Variants in FSHR observed in about 807,000 individuals in gnomAD.
FSHR encodes follicle-stimulating hormone receptor.
A neutral mutation model predicts 52.1 loss-of-function variants in FSHR; 46 were observed. The observed-to-expected ratio is 0.88, with a 90% CI of 0.70 to 1.13. The LOEUF is 1.13. Ranked by LOEUF, FSHR falls within the 50% of genes most tolerant of loss-of-function variation. The probability of loss-of-function intolerance (pLI) is 0.00; values close to 1 mark genes in which losing one functional copy is unlikely to be tolerated. For missense variants in FSHR, 964 were observed against 834.6 expected, an observed-to-expected ratio of 1.16 and a Z score of -1.91; for synonymous variants, 399 against 309.6, an observed-to-expected ratio of 1.29 and a Z score of -3.03.
At chr2:49,003,166 T>C (rs943210360) in intron 4 of FSHR, among the ~76,000 whole-genome samples, 5 of 152,164 alleles carry the variant, frequency 3.3e-5, no homozygotes, top group Non-Finnish European at 7.4e-5. Flanking sequence ...TATTCTTTTG[T>C]GGAGCATTTT....
Position 49,127,748 on chromosome 2 carries a change from TTCTTTCTTCTTCTTCTTCTTCTTCTTC to T in FSHR, c.152+26491_152+26517del, listed in dbSNP as rs1672062084. On this transcript the variant is annotated intron_variant, in intron 1 of 9. Transcript: ENST00000406846. ...TTGATTTGTGCATGATTTCTTCTTC[TTCTTTCTTCTTCTTCTTCTTCTTCTTC>T]TTCTTCTTCTTCTTCTTCTTCTTCT... is the stretch of plus-strand genomic sequence containing the variant. Among the ~76,000 whole-genome samples, 20 of 116,062 alleles carry T rather than the reference TTCTTTCTTCTTCTTCTTCTTCTTCTTC, an allele frequency of 1.7e-4. 2 individuals are homozygous for T. The highest frequency in any genetic ancestry group is 4.8e-4 in the African/African-American group (15 of 31,060). The allele number at this position is 116,062 out of a possible 152,430, so 76.1% of individuals were successfully genotyped here. A position where few individuals can be genotyped will look rare whatever the true frequency, so the allele number is the denominator to read the frequency against.
At chr2:49,061,811 G>C in intron 2 of FSHR, among the ~76,000 whole-genome samples, 1 of 133,350 alleles carries the variant, frequency 7.5e-6, no homozygotes, top group East Asian at 2.1e-4. Flanking sequence ...GTTATATATA[G>C]TCATATATAA....
At chr2:49,025,047 C>A (rs138955268) in intron 2 of FSHR, among the ~76,000 whole-genome samples, 1 of 152,146 alleles carries the variant, frequency 6.6e-6, no homozygotes, top group African/African-American at 2.4e-5. Flanking sequence ...AATGAATTAT[C>A]TTTGAAAGAT....
Position 48,962,774 on chromosome 2 carries a change from T to A in FSHR, c.2047A>T (p.Thr683Ser). ...TGACTTAGAGGGACAAGTATGTAAGTGGAACCACTGGTGACTCTGGGAGCT... is the reference window on the plus strand; with the variant it reads ...TGACTTAGAGGGACAAGTATGTAAGAGGAACCACTGGTGACTCTGGGAGCT... ...SSAPRVTSGS[T>S]YILVPLSHLA... Residue 683 changes from threonine to serine, a missense_variant, in exon 10 of 10, where the codon ACT (threonine) becomes TCT (serine). Transcript: ENST00000406846. 1 of 1,614,124 alleles carries A rather than the reference T, an allele frequency of 6.2e-7. No individual in the cohort carries two copies. Among genetic ancestry groups the A allele is most frequent in the African/African-American group, 1.3e-5 (1 of 75,058 alleles).
At chr2:49,110,271 A>G (rs557559682) in intron 1 of FSHR, among the ~76,000 whole-genome samples, 1 of 152,316 alleles carries the variant, frequency 6.6e-6, no homozygotes, top group East Asian at 1.9e-4. Flanking sequence ...ACATTTTATA[A>G]GTACAAAAAC....
At chr2:49,004,975 C>G (rs753877024) in intron 4 of FSHR, among the ~76,000 whole-genome samples, 1 of 152,140 alleles carries the variant, frequency 6.6e-6, no homozygotes, top group Non-Finnish European at 1.5e-5. Flanking sequence ...AATTTTCTCT[C>G]CCTCTTAGAA....
In FSHR at chr2:48,990,469, G is replaced by A. The variant is rs1380913881; in HGVS notation, c.446+97C>T. On this transcript the variant is annotated intron_variant, in intron 5 of 9. Transcript: ENST00000406846. ...CTAACCCAGAGCAATACATTTGGAG[G>A]ATGTAGACTACACAATGCATATTAA... The A allele has an allele frequency of 2.9e-5, 24 of 839,842 alleles. No individual in the cohort carries two copies. The East Asian group carries it at 4.4e-4, about 15-fold the overall frequency. The allele number at this position is 839,842 out of a possible 1,614,324, so 52.0% of individuals were successfully genotyped here.
At chr2:48,987,649 G>C (rs1016965815) in intron 6 of FSHR, among the ~76,000 whole-genome samples, 2 of 151,940 alleles carry the variant, frequency 1.3e-5, no homozygotes, top group African/African-American at 4.8e-5. Context: ...CTTTTTCTTA[G>C]CTTCCTTTCC....
rs763908289 is a variant in FSHR, at chr2:49,052,162, A to C, written c.224+16057T>G. On this transcript the variant is annotated intron_variant, in intron 2 of 9. Coordinates refer to ENST00000406846, the MANE Select transcript of FSHR (RefSeq NM_000145.4). The stretch of plus-strand genomic sequence containing the variant: ...AATTTGTGTGTATGGACAATTTTTA[A>C]CAAATGCAAATCAGATTATGTCACT... Among the ~76,000 whole-genome samples the C allele has an allele frequency of 3.5e-4, 54 of 152,342 alleles. 1 individual carries two copies. The highest frequency in any genetic ancestry group is 6.8e-4 in the Non-Finnish European group (46 of 68,024).
chr2:49,016,587 A>G (rs969305624), intron 4 of FSHR, among the ~76,000 whole-genome samples: 1 of 152,182 alleles, frequency 6.6e-6, no homozygotes, highest in South Asian at 2.1e-4. Context: ...TGATCTGCCA[A>G]TTAACAATAG....
At chr2:49,081,918 C>G (rs947770224) in intron 1 of FSHR, among the ~76,000 whole-genome samples, 1 of 152,168 alleles carries the variant, frequency 6.6e-6, no homozygotes, top group African/African-American at 2.4e-5. Flanking sequence ...AGCCAATATT[C>G]TTTTTGAGAA....
intron 1 of FSHR, among the ~76,000 whole-genome samples, chr2:49,146,934 T>C (rs1368460211): frequency 6.6e-6 from 1 of 152,064 alleles, no homozygotes; most frequent in Non-Finnish European, 1.5e-5. Context: ...CACAGGACTC[T>C]GTGATAACTT....
At chr2:49,094,386 C>T (rs1670741115) in intron 1 of FSHR, among the ~76,000 whole-genome samples, 1 of 152,182 alleles carries the variant, frequency 6.6e-6, no homozygotes, top group Non-Finnish European at 1.5e-5. Context: ...GAATAGTTTA[C>T]TGTCTTTACG....
At chr2:49,134,304 A>G (rs1169149625) in intron 1 of FSHR, among the ~76,000 whole-genome samples, 1 of 152,246 alleles carries the variant, frequency 6.6e-6, no homozygotes, top group Non-Finnish European at 1.5e-5. Context: ...GCCAACAGAC[A>G]CAAGAAGAAA....
intron 1 of FSHR, among the ~76,000 whole-genome samples, chr2:49,147,376 G>T (rs994175378): frequency 6.6e-6 from 1 of 152,060 alleles, no homozygotes; most frequent in African/African-American, 2.4e-5. Context: ...ACAGTGGCTA[G>T]ATAACCCAAT....
intron 1 of FSHR, among the ~76,000 whole-genome samples, chr2:49,127,801 T>TCTTCTTCTTCTTC (rs1672078241): frequency 1.7e-5 from 1 of 57,228 alleles, no homozygotes; most frequent in African/African-American, 7.3e-5. Context: ...TTCTTCTTCT[T>TCTTCTTCTTCTTC]CTTCTTCTTC....
At chr2:48,982,883 TACAC>T in intron 8 of FSHR, 25 bp downstream of exon 8, 1 of 1,583,116 alleles carries the variant, frequency 6.3e-7, no homozygotes, top group Non-Finnish European at 8.7e-7. Context: ...ACTGAGCTCT[TACAC>T]ACAGAAATGG....
At chr2:49,106,329 G>A (rs1215867529) in intron 1 of FSHR, among the ~76,000 whole-genome samples, 1 of 151,986 alleles carries the variant, frequency 6.6e-6, no homozygotes, top group Non-Finnish European at 1.5e-5. Flanking sequence ...ATGGAGGAAG[G>A]AGAGAGAGAG....
intron 2 of FSHR, among the ~76,000 whole-genome samples, chr2:49,040,930 G>C (rs1173548421): frequency 4.6e-5 from 7 of 152,302 alleles, no homozygotes; most frequent in African/African-American, 1.7e-4. Context: ...TTACTGGAAA[G>C]GAAAAGTGGA....
Sources: allele counts gnomAD v4.1 joint callset (sites outside exome capture counted in the v4.1 genomes callset), GRCh38; gene constraint gnomAD v4.1.1; transcripts MANE v1.5; gene names NCBI Gene and HGNC (gene_info 2026-07-23, HGNC 2026-07-21).